Variants in MROH1 observed in about 807,000 individuals in gnomAD.
The protein encoded by MROH1 is maestro heat like repeat family member 1.
Under a neutral mutation model 116.5 loss-of-function variants are expected in MROH1, and 117 were observed. That is an observed-to-expected ratio of 1.00 (90% CI 0.86 to 1.17). The LOEUF is 1.17. Among genes scored for constraint, MROH1 ranks in the 50% most tolerant of loss-of-function variants. MROH1 has a pLI of 0.00. For missense variants in MROH1, 1,873 were observed against 1,338.5 expected (o/e 1.40, Z -6.23); for synonymous variants, 921 against 583.9 (o/e 1.58, Z -8.32).
intron 7 of MROH1, among the ~76,000 whole-genome samples, chr8:144,181,312 G>GC (rs777734028): frequency 0.011 from 448 of 42,468 alleles, 6 homozygotes; most frequent in South Asian, 0.042. Context: ...TGGGGGAGGG[G>GC]CCGGTGATGG....
At chr8:144,185,764 G>A (rs1367622948) in intron 7 of MROH1, among the ~76,000 whole-genome samples, 1 of 82,664 alleles carries the variant, frequency 1.2e-5, no homozygotes, top group African/African-American at 5.9e-5. Flanking sequence ...TCGAGGGGAC[G>A]TGAGGGGCAG....
At chr8:144,250,062 G>A (rs1246935723) in intron 32 of MROH1, 150 bp from the exon 33 acceptor site, 1 of 657,836 alleles carries the variant, frequency 1.5e-6, no homozygotes. Flanking sequence ...GCCCACGGGG[G>A]ATCCTGGCCC....
At position 144,259,336 on chromosome 8, in the gene MROH1, C is replaced by T. The variant is rs1332251179; in HGVS notation, c.4026C>T (p.Thr1342=). The change falls in exon 37 of 44, where the codon ACC becomes ACT. Residue 1342 remains threonine (T), a synonymous_variant. Coordinates refer to ENST00000326134, the MANE Select transcript of MROH1 (RefSeq NM_032450.3). ...SSAYENQRVT[T]TAFLAELLNS... The stretch of plus-strand genomic sequence containing the variant: ...CGTATGAGAACCAGAGGGTGACCAC[C>T]ACCGCCTTCCTGGCCGAGGTAGGCC... The T allele has an allele frequency of 4.2e-6, 3 of 715,156 alleles. No individual in the cohort carries two copies. The highest frequency in any genetic ancestry group is 1.5e-5 in the South Asian group (1 of 67,506). The allele number at this position is 715,156 out of a possible 1,614,324, so 44.3% of individuals were successfully genotyped here.
chr8:144,259,337 A>G lies in MROH1; in HGVS notation c.4027A>G (p.Thr1343Ala). 1.4e-6 allele frequency: 1 copy of G among 715,068 alleles called. No individual in the cohort carries two copies. The highest frequency in any genetic ancestry group is 1.5e-5 in the South Asian group (1 of 67,510). The allele number at this position is 715,068 out of a possible 1,614,324, so 44.3% of individuals were successfully genotyped here. A position where few individuals can be genotyped will look rare whatever the true frequency, so the allele number is the denominator to read the frequency against. ...SAYENQRVTT[T>A]AFLAELLNSN... ...GTATGAGAACCAGAGGGTGACCACC[A>G]CCGCCTTCCTGGCCGAGGTAGGCCC... The change falls in exon 37 of 44, where the codon ACC becomes GCC. Residue 1343 changes from threonine to alanine, a missense_variant. Coordinates refer to ENST00000326134, the MANE Select transcript of MROH1 (RefSeq NM_032450.3).
rs142829618 is a variant in MROH1, at chr8:144,227,050, C to A, written c.1338+3820C>A. ...GCCATTGTAATGGTACAATTTTGTT[C>A]ATTTCAATTTCTAACTGTTCATCGT... is the stretch of plus-strand genomic sequence containing the variant. On this transcript the variant is annotated intron_variant, in intron 14 of 43. Transcript: ENST00000326134. Among the ~76,000 whole-genome samples the A allele has an allele frequency of 7.9e-3, 1,198 of 152,242 alleles. 15 individuals carry two copies. Among genetic ancestry groups the A allele is most frequent in the African/African-American group, 0.027 (1,127 of 41,560 alleles).
chr8:144,257,873 G>T (rs1588546596), intron 35 of MROH1, among the ~76,000 whole-genome samples: 2 of 152,250 alleles, frequency 1.3e-5, no homozygotes, highest in African/African-American at 4.8e-5. Context: ...GGCGGCGGGG[G>T]CCTAAGTGTG....
At chr8:144,197,902 T>C (rs1830296045) in intron 10 of MROH1, among the ~76,000 whole-genome samples, 1 of 150,492 alleles carries the variant, frequency 6.6e-6, no homozygotes, top group African/African-American at 2.4e-5. Context: ...GGAGAAACCC[T>C]GTCTCTATTA....
intron 12 of MROH1, among the ~76,000 whole-genome samples, chr8:144,212,076 T>TTTTGTTTGTTTG (rs56029728): frequency 0.029 from 4,417 of 151,184 alleles, 213 homozygotes; most frequent in African/African-American, 0.094. Context: ...TGTGTTGTTT[T>TTTTGTTTGTTTG]TTTGTTTGTT....
At position 144,209,849 on chromosome 8, in the gene MROH1, T is replaced by G. The variant is rs7001225; in HGVS notation, c.1141+9308T>G. On this transcript the variant is annotated intron_variant, in intron 12 of 43. Coordinates refer to ENST00000326134, the MANE Select transcript of MROH1 (RefSeq NM_032450.3). ...TGAGCCCAGGAGGTCGAGGCTGCAG[T>G]GAGCTGTGACGGTGCCACTGCATTT... 7.6e-3 allele frequency among the ~76,000 whole-genome samples: 1,093 copies of G among 144,358 alleles called. 12 individuals are homozygous for G. The highest frequency in any genetic ancestry group is 0.026 in the African/African-American group (1,023 of 38,986). The allele number at this position is 144,358 out of a possible 152,430, so 94.7% of individuals were successfully genotyped here.
chr8:144,222,858 G>A (rs545454169), intron 13 of MROH1, among the ~76,000 whole-genome samples: 3 of 152,156 alleles, frequency 2.0e-5, no homozygotes, highest in East Asian at 3.9e-4. Flanking sequence ...AGGTACAGGT[G>A]TGGGTACAGG....
intron 41 of MROH1, 22 bp from the exon 42 acceptor site, chr8:144,261,092 C>T: frequency 1.3e-6 from 1 of 775,308 alleles, no homozygotes; most frequent in Non-Finnish European, 2.4e-6. Context: ...GGCCAGGCGG[C>T]ACTGACCAGG....
chr8:144,212,433 T>C (rs1383911878), intron 12 of MROH1, among the ~76,000 whole-genome samples: 2 of 152,040 alleles, frequency 1.3e-5, no homozygotes, highest in Non-Finnish European at 2.9e-5. Flanking sequence ...GGCTCATTAC[T>C]TCTGGATGGT....
chr8:144,150,014 G>A (rs1167380858), intron 1 of MROH1, among the ~76,000 whole-genome samples: 1 of 152,110 alleles, frequency 6.6e-6, no homozygotes, highest in African/African-American at 2.4e-5. Context: ...TGACCTCCCA[G>A]TCTCCCTGCA....
intron 37 of MROH1, 44 bp from the exon 38 acceptor site, chr8:144,259,867 T>C: frequency 4.2e-6 from 3 of 719,382 alleles, no homozygotes; most frequent in Admixed American, 3.9e-5. Flanking sequence ...GGTTGAGCCC[T>C]GGGGTCAGCG....
At chr8:144,221,857 C>G (rs148216806) in intron 13 of MROH1, among the ~76,000 whole-genome samples, 1 of 152,150 alleles carries the variant, frequency 6.6e-6, no homozygotes, top group Non-Finnish European at 1.5e-5. Context: ...GGATGCTGGA[C>G]GTGAGAGCTG....
intron 14 of MROH1, among the ~76,000 whole-genome samples, chr8:144,228,972 A>G (rs1812810733): frequency 6.6e-6 from 1 of 152,218 alleles, no homozygotes; most frequent in South Asian, 2.1e-4. Flanking sequence ...CGTTTCAACA[A>G]CGTTCACAGC....
chr8:144,239,435 G>C (rs1840606415), intron 17 of MROH1, 72 bp downstream of exon 17: 3 of 779,242 alleles, frequency 3.8e-6, no homozygotes, highest in Non-Finnish European at 7.2e-6. Context: ...GGCTTGGAAG[G>C]GGTTACCTTC....
At chr8:144,158,518 G>A (rs1818723098) in intron 1 of MROH1, among the ~76,000 whole-genome samples, 2 of 152,158 alleles carry the variant, frequency 1.3e-5, no homozygotes, top group Admixed American at 1.3e-4. Context: ...AAGACATTTA[G>A]TGCTATAAGT....
At chr8:144,189,861 T>A (rs1828129172) in intron 7 of MROH1, among the ~76,000 whole-genome samples, 1 of 152,234 alleles carries the variant, frequency 6.6e-6, no homozygotes, top group Non-Finnish European at 1.5e-5. Flanking sequence ...GGGCAGGAAC[T>A]TGTGGGCAGA....
Sources: allele counts gnomAD v4.1 joint callset (sites outside exome capture counted in the v4.1 genomes callset), GRCh38; gene constraint gnomAD v4.1.1; transcripts MANE v1.5; gene names NCBI Gene and HGNC (gene_info 2026-07-23, HGNC 2026-07-21).